Variants in GOLGA3 observed in about 807,000 individuals in gnomAD.
GOLGA3 encodes the protein golgin A3.
In GOLGA3, 75 loss-of-function variants were observed where a neutral mutation model predicts 169.4. That is an observed-to-expected ratio of 0.44 (90% CI 0.37 to 0.54). The LOEUF (loss-of-function observed/expected upper bound fraction) is 0.54, where lower values mean the gene tolerates loss of function less well. Ranked by LOEUF, GOLGA3 falls within the 20% of genes least tolerant of loss-of-function variation. The pLI is 0.00. For synonymous variants in GOLGA3, 824 were observed against 822.4 expected (o/e 1.00, Z -0.03); for missense variants, 1,899 against 1,930.0 (o/e 0.98, Z 0.30).
chr12:132,798,071 C>T (rs999229436), intron 9 of GOLGA3, among the ~76,000 whole-genome samples: 1 of 151,750 alleles, frequency 6.6e-6, no homozygotes, highest in Non-Finnish European at 1.5e-5. Context: ...GTGCTCACTG[C>T]ACTAAGCCCC....
At chr12:132,801,658 AC>A (rs149456851) in intron 8 of GOLGA3, 108 bp downstream of exon 8, 294,781 of 1,086,786 alleles carry the variant, frequency 0.27, 39,820 homozygotes, top group East Asian at 0.5. Flanking sequence ...CAGGTTAAAA[AC>A]AAAAACATGC....
chr12:132,773,880 C>A (rs1337165429), intron 23 of GOLGA3, among the ~76,000 whole-genome samples: 1 of 146,130 alleles, frequency 6.8e-6, no homozygotes, highest in African/African-American at 2.5e-5. Context: ...GAGTCCCTCC[C>A]CCTTTATATA....
intron 2 of GOLGA3, among the ~76,000 whole-genome samples, chr12:132,818,746 C>T (rs972159772): frequency 3.9e-5 from 6 of 152,152 alleles, no homozygotes; most frequent in South Asian, 2.1e-4. Flanking sequence ...AAAGCCTCAG[C>T]TTATCCTCCA....
chr12:132,825,409 G>A (rs1052312023), intron 1 of GOLGA3, among the ~76,000 whole-genome samples: 1 of 152,142 alleles, frequency 6.6e-6, no homozygotes, highest in Non-Finnish European at 1.5e-5. Context: ...CTCATTCCCC[G>A]TCTGCCTCCC....
At chr12:132,778,750 C>G (rs1231076850) in intron 18 of GOLGA3, among the ~76,000 whole-genome samples, 1 of 151,798 alleles carries the variant, frequency 6.6e-6, no homozygotes. Flanking sequence ...AAAAAATTAG[C>G]CAGGCATGGT....
intron 22 of GOLGA3, 72 bp from the exon 23 acceptor site, chr12:132,774,392 T>C: frequency 6.4e-7 from 1 of 1,555,280 alleles, no homozygotes; most frequent in East Asian, 2.2e-5. Context: ...GCACAGCTTG[T>C]GGCAAACGGG....
At chr12:132,821,185 TC>T (rs1757749062) in intron 2 of GOLGA3, among the ~76,000 whole-genome samples, 1 of 146,620 alleles carries the variant, frequency 6.8e-6, no homozygotes, top group Admixed American at 6.9e-5. Flanking sequence ...GGTGGGCGGA[TC>T]ACCTGAGGTT....
In GOLGA3 at chr12:132,772,119, AAAT is replaced by A. The variant is rs2044922091; in HGVS notation, c.*983_*985del. The A allele has an allele frequency of 6.6e-6, 1 of 152,252 alleles. No individual in the cohort carries two copies. Among genetic ancestry groups the A allele is most frequent in the African/African-American group, 2.4e-5 (1 of 41,460 alleles). 9.4% of individuals were successfully genotyped at this position (152,252 alleles called of 1,614,324 possible). A position where few individuals can be genotyped will look rare whatever the true frequency, so the allele number is the denominator to read the frequency against. On this transcript the variant is annotated 3_prime_UTR_variant, in exon 24 of 24. Coordinates refer to ENST00000450791, the MANE Select transcript of GOLGA3 (RefSeq NM_001389683.1). ...AATATTTGGCTTTAGAAGGTAAATA[AAAT>A]AATTATATTTCTTAGAATTTTCTGA...
At chr12:132,780,406 G>C (rs1356532972) in intron 18 of GOLGA3, among the ~76,000 whole-genome samples, 1 of 152,150 alleles carries the variant, frequency 6.6e-6, no homozygotes, top group Non-Finnish European at 1.5e-5. Context: ...AAGCAGGGCA[G>C]GGGCCAGCCA....
intron 3 of GOLGA3, among the ~76,000 whole-genome samples, chr12:132,814,963 G>A (rs942620479): frequency 5.3e-5 from 8 of 152,198 alleles, no homozygotes; most frequent in Admixed American, 1.3e-4. Context: ...GACACCGCCC[G>A]ACGGCCTGGG....
chr12:132,773,426 ACCACAGAAGC>A, intron 23 of GOLGA3, 132 bp from the exon 24 acceptor site: 2 of 527,192 alleles, frequency 3.8e-6, no homozygotes, highest in Non-Finnish European at 6.7e-6. Context: ...ACCAACTGAG[ACCACAGAAGC>A]TCAGCTGTTC....
At chr12:132,788,970 G>T in intron 13 of GOLGA3, 57 bp downstream of exon 13, 1 of 257,842 alleles carries the variant, frequency 3.9e-6, no homozygotes, top group Non-Finnish European at 6.2e-6. Context: ...CCACCCTCCC[G>T]ACAAGCACTT....
rs758257514 is a variant in GOLGA3 at position 132,808,340 on chromosome 12, G to C, written c.729C>G (p.Ile243Met). ...REKKTSKSSKIRSLADYRTED... is the reference protein window; with the variant it reads ...REKKTSKSSKMRSLADYRTED... ...CAGTTCTGTAATCGGCCAGAGACCGGATTTTGCTTGATTTGGAAGTTTTTT... is the reference window on the plus strand; with the variant it reads ...CAGTTCTGTAATCGGCCAGAGACCGCATTTTGCTTGATTTGGAAGTTTTTT... Residue 243 changes from isoleucine (I) to methionine (M), a missense_variant, in exon 5 of 24, where the codon ATC (isoleucine) becomes ATG (methionine). Ile to Met is a conservative substitution (Grantham distance 10, BLOSUM62 1). Transcript: ENST00000450791. The C allele has an allele frequency of 1.9e-6, 3 of 1,614,114 alleles. No homozygotes were observed. Among genetic ancestry groups the C allele is most frequent in the South Asian group, 1.1e-5 (1 of 91,086 alleles).
At chr12:132,823,794 A>G (rs1950310519) in intron 1 of GOLGA3, among the ~76,000 whole-genome samples, 1 of 149,328 alleles carries the variant, frequency 6.7e-6, no homozygotes, top group East Asian at 2.0e-4. Flanking sequence ...GTCTAAAAAA[A>G]AAAAAGGGCT....
chr12:132,773,675 C>T (rs976350993), intron 23 of GOLGA3, among the ~76,000 whole-genome samples: 8 of 152,370 alleles, frequency 5.3e-5, no homozygotes, highest in Admixed American at 3.9e-4. Flanking sequence ...AGTTTAACTC[C>T]AGGCAGTTTC....
At chr12:132,788,986 G>T in intron 13 of GOLGA3, 41 bp downstream of exon 13, 1 of 676,208 alleles carries the variant, frequency 1.5e-6, no homozygotes, top group South Asian at 3.5e-5. Context: ...CACTTTGGCC[G>T]AATCCTCCCC....
intron 13 of GOLGA3, 102 bp downstream of exon 13, chr12:132,788,925 C>T (rs866671700): frequency 2.4e-6 from 2 of 830,966 alleles, no homozygotes; most frequent in African/African-American, 1.7e-5. Flanking sequence ...AGACAGACCC[C>T]GCCCCAGACA....
In GOLGA3 at chr12:132,769,264, C is replaced by G. The variant is rs1458582727; in HGVS notation, c.*3841G>C. ...TCCCTCCTCACATCAGAGGGCTCCT[C>G]GAAGGGAGGCCCCAGGACGGTTCTC... On this transcript the variant is annotated 3_prime_UTR_variant, in exon 24 of 24. Transcript: ENST00000450791. 1 of 152,286 alleles carries G rather than the reference C, an allele frequency of 6.6e-6. No homozygotes were observed. Among genetic ancestry groups the G allele is most frequent in the Admixed American group, 6.5e-5 (1 of 15,288 alleles). 9.4% of individuals were successfully genotyped at this position (152,286 alleles called of 1,614,324 possible).
chr12:132,776,773 C>T lies in GOLGA3; in HGVS notation c.3856-17G>A. On this transcript the variant is annotated splice_polypyrimidine_tract_variant and intron_variant, in intron 20 of 23. Transcript: ENST00000450791. ...ATTTTCCATCTAAAGAGGGGAAAGT[C>T]ACATGGCCAAAAGAATATTAAAGTG... is the stretch of plus-strand genomic sequence containing the variant. The T allele has an allele frequency of 6.2e-7, 1 of 1,612,984 alleles. No homozygotes were observed. Among genetic ancestry groups the T allele is most frequent in the East Asian group, 2.2e-5 (1 of 44,884 alleles).
Sources: allele counts gnomAD v4.1 joint callset (sites outside exome capture counted in the v4.1 genomes callset), GRCh38; gene constraint gnomAD v4.1.1; transcripts MANE v1.5; gene names NCBI Gene and HGNC (gene_info 2026-07-23, HGNC 2026-07-21).